The following FBXW7 variants were observed in gnomAD, a reference collection of about 807,000 sequenced individuals.
The protein encoded by FBXW7 is F-box/WD repeat-containing protein 7.
In FBXW7, 11 loss-of-function variants were observed where a neutral mutation model predicts 86.3. The ratio of observed to expected loss-of-function variants is 0.13; its 90% confidence interval spans 0.08 to 0.21. FBXW7 has a LOEUF of 0.21. FBXW7 is among the 10% of genes least tolerant of loss of function. The pLI, the probability that FBXW7 is intolerant of heterozygous loss-of-function variation, is 1.00. For missense variants in FBXW7, 488 were observed against 847.4 expected, an observed-to-expected ratio of 0.58 and a Z score of 5.27; for synonymous variants, 313 against 297.9, an observed-to-expected ratio of 1.05 and a Z score of -0.52.
At chr4:152,449,672 A>G (rs1482846245) in intron 2 of FBXW7, among the ~76,000 whole-genome samples, 1 of 152,198 alleles carries the variant, frequency 6.6e-6, no homozygotes, top group African/African-American at 2.4e-5. Context: ...TATTTAAAAG[A>G]TTATTTTAAA....
At position 152,476,616 on chromosome 4, in the gene FBXW7, A is replaced by G. The variant is rs116256608; in HGVS notation, c.-120+58325T>C. ...CTCTCAAACTCAACAATAAGAAAGCAAATAACCTGATTTTAAAAGCCAGCT... is the reference window on the plus strand; with the variant it reads ...CTCTCAAACTCAACAATAAGAAAGCGAATAACCTGATTTTAAAAGCCAGCT... On this transcript the variant is annotated intron_variant, in intron 2 of 13. Coordinates refer to ENST00000281708, the MANE Select transcript of FBXW7 (RefSeq NM_001349798.2). 6.3e-3 allele frequency among the ~76,000 whole-genome samples: 966 copies of G among 152,322 alleles called. 11 individuals carry two copies. The highest frequency in any genetic ancestry group is 0.022 in the African/African-American group (911 of 41,580).
intron 2 of FBXW7, among the ~76,000 whole-genome samples, chr4:152,502,428 G>A (rs1747042353): frequency 6.6e-6 from 1 of 152,012 alleles, no homozygotes; most frequent in African/African-American, 2.4e-5. Context: ...GTTAGAATGA[G>A]TATTTTTCTA....
At chr4:152,451,930 GGAGTTCCT>G (rs1741945912) in intron 2 of FBXW7, among the ~76,000 whole-genome samples, 1 of 151,934 alleles carries the variant, frequency 6.6e-6, no homozygotes, top group Non-Finnish European at 1.5e-5. Context: ...ATGAACCCTG[GGAGTTCCT>G]GAGACACTTA....
chr4:152,401,715 C>A (rs1287309906), intron 4 of FBXW7, among the ~76,000 whole-genome samples: 2 of 152,160 alleles, frequency 1.3e-5, no homozygotes, highest in African/African-American at 4.8e-5. Context: ...AAGGTAGATT[C>A]ACTGACTATA....
At chr4:152,523,186 C>T (rs1288864682) in intron 2 of FBXW7, among the ~76,000 whole-genome samples, 1 of 152,040 alleles carries the variant, frequency 6.6e-6, no homozygotes, top group East Asian at 1.9e-4. Flanking sequence ...CACATTATCT[C>T]TTTGAGGTCT....
chr4:152,503,646 T>TAAAA (rs59515223), intron 2 of FBXW7, among the ~76,000 whole-genome samples: 1 of 142,330 alleles, frequency 7.0e-6, no homozygotes. Flanking sequence ...TATGTAGCTG[T>TAAAA]AAAAAAAAAA....
At chr4:152,405,890 A>T (rs543827262) in intron 4 of FBXW7, among the ~76,000 whole-genome samples, 2 of 152,346 alleles carry the variant, frequency 1.3e-5, no homozygotes, top group East Asian at 3.9e-4. Flanking sequence ...GGAGAAAGAA[A>T]CAGTACTTTT....
At chr4:152,451,979 A>G (rs1319250397) in intron 2 of FBXW7, among the ~76,000 whole-genome samples, 1 of 152,100 alleles carries the variant, frequency 6.6e-6, no homozygotes, top group Non-Finnish European at 1.5e-5. Flanking sequence ...AATTATTTCT[A>G]TAATACTAAG....
chr4:152,495,981 A>C (rs1307621587), intron 2 of FBXW7, among the ~76,000 whole-genome samples: 1 of 152,180 alleles, frequency 6.6e-6, no homozygotes, highest in Admixed American at 6.5e-5. Flanking sequence ...GTTCGAGAGC[A>C]GCCTGGGCAA....
intron 4 of FBXW7, among the ~76,000 whole-genome samples, chr4:152,353,353 T>C (rs888774895): frequency 6.6e-6 from 1 of 152,218 alleles, no homozygotes; most frequent in Non-Finnish European, 1.5e-5. Flanking sequence ...GCAGAAATTA[T>C]GTAATCTAAG....
At chr4:152,525,009 G>A (rs1749378808) in intron 2 of FBXW7, among the ~76,000 whole-genome samples, 1 of 152,010 alleles carries the variant, frequency 6.6e-6, no homozygotes, top group Non-Finnish European at 1.5e-5. Flanking sequence ...ATAATAATCA[G>A]GAAGAAATCA....
intron 7 of FBXW7, among the ~76,000 whole-genome samples, chr4:152,333,511 TCTGA>T (rs542662316): frequency 3.9e-5 from 6 of 152,064 alleles, no homozygotes; most frequent in African/African-American, 9.6e-5. Flanking sequence ...AATTATAGCC[TCTGA>T]CTGATTATTC....
chr4:152,449,594 A>G (rs1741725948), intron 2 of FBXW7, among the ~76,000 whole-genome samples: 1 of 152,224 alleles, frequency 6.6e-6, no homozygotes, highest in African/African-American at 2.4e-5. Flanking sequence ...TACTGACCAC[A>G]AGTAAAAAGC....
At chr4:152,450,562 T>C (rs980072432) in intron 2 of FBXW7, among the ~76,000 whole-genome samples, 6 of 152,104 alleles carry the variant, frequency 3.9e-5, no homozygotes, top group African/African-American at 1.2e-4. Flanking sequence ...TCCTAGCAAA[T>C]GGGTAAGCTA....
intron 4 of FBXW7, among the ~76,000 whole-genome samples, chr4:152,377,068 T>C (rs1461599298): frequency 6.6e-6 from 1 of 152,138 alleles, no homozygotes; most frequent in Non-Finnish European, 1.5e-5. Context: ...TCAACAGCAA[T>C]AGGCCCCCAG....
chr4:152,452,935 C>T (rs1184334875), intron 2 of FBXW7, among the ~76,000 whole-genome samples: 1 of 152,188 alleles, frequency 6.6e-6, no homozygotes, highest in Non-Finnish European at 1.5e-5. Flanking sequence ...GTAATCCCAC[C>T]ACTCTGGGAG....
At chr4:152,460,847 A>G (rs1742871930) in intron 2 of FBXW7, among the ~76,000 whole-genome samples, 1 of 151,868 alleles carries the variant, frequency 6.6e-6, no homozygotes, top group Non-Finnish European at 1.5e-5. Flanking sequence ...CCCATCTGAG[A>G]CTCCATTTAG....
At chr4:152,395,499 G>A (rs59713012) in intron 4 of FBXW7, among the ~76,000 whole-genome samples, 2,456 of 151,988 alleles carry the variant, frequency 0.016, 42 homozygotes, top group East Asian at 0.043. Flanking sequence ...CCTACATATA[G>A]ACCACTTCAA....
intron 2 of FBXW7, among the ~76,000 whole-genome samples, chr4:152,447,893 C>G (rs1741554767): frequency 6.6e-6 from 1 of 152,112 alleles, no homozygotes; most frequent in Non-Finnish European, 1.5e-5. Context: ...AGCATAGTTA[C>G]CAATAACTCT....
Sources: gnomAD v4.1 joint callset for allele counts (sites outside exome capture counted in the v4.1 genomes callset) on GRCh38, gnomAD v4.1.1 for gene constraint, MANE v1.5 for transcripts, NCBI Gene and HGNC (gene_info 2026-07-23, HGNC 2026-07-21) for gene names.